CDADC1: variants seen among roughly 807,000 people sequenced by gnomAD.
CDADC1 encodes the protein dCTP deaminase.
In CDADC1, 39 loss-of-function variants were observed where a neutral mutation model predicts 54.9. That is an observed-to-expected ratio of 0.71 (90% confidence interval 0.55 to 0.93). The LOEUF (loss-of-function observed/expected upper bound fraction) is 0.93. Ranked by LOEUF, CDADC1 falls within the 40% of genes least tolerant of loss-of-function variation. The probability of loss-of-function intolerance (pLI) is 0.00; values close to 1 mark genes in which losing one functional copy is unlikely to be tolerated. For synonymous variants in CDADC1, 186 were observed against 204.0 expected (o/e 0.91, Z 0.75); for missense variants, 518 against 618.8 (o/e 0.84, Z 1.73).
chr13:49,267,885 A>G lies in CDADC1; in HGVS notation c.826A>G (p.Met276Val). ...ATACTTTAGCAATCTAAGGCAAAAC[A>G]TGAAAGACCTTATCCTACTTTTGGC... The part of the protein sequence containing the change: ...NPYFSNLRQN[M>V]KDLILLLATV... The change falls in exon 5 of 10, where the codon ATG becomes GTG. Residue 276 changes from methionine to valine, a missense_variant. Met to Val is a conservative substitution (Grantham distance 21, BLOSUM62 1). Transcript: ENST00000251108. 1 of 1,614,166 alleles carries G rather than the reference A, an allele frequency of 6.2e-7. No individual in the cohort carries two copies. Among genetic ancestry groups the G allele is most frequent in the South Asian group, 1.1e-5 (1 of 91,086 alleles).
At chr13:49,280,476 G>T in intron 7 of CDADC1, 33 bp from the exon 8 acceptor site, 1 of 1,186,378 alleles carries the variant, frequency 8.4e-7, no homozygotes, top group South Asian at 2.4e-5. Context: ...TTTCAGAAAC[G>T]ACCTTTCTGA....
chr13:49,291,859 T>C lies in CDADC1; in HGVS notation c.*102T>C, dbSNP rs568242673. 35 of 1,476,042 alleles carry C rather than the reference T, an allele frequency of 2.4e-5. 1 individual carries two copies. The African/African-American group carries it at 4.8e-4, about 20-fold the overall frequency. The allele number at this position is 1,476,042 out of a possible 1,614,324, so 91.4% of individuals were successfully genotyped here. A position where few individuals can be genotyped will look rare whatever the true frequency, so the allele number is the denominator to read the frequency against. Reference sequence around the variant, plus strand: ...AAATAAGGATGGATTTTGTGAATAATTGAAAAGATTTTTTAAGGAAGCTAA... The same window carrying C: ...AAATAAGGATGGATTTTGTGAATAACTGAAAAGATTTTTTAAGGAAGCTAA... On this transcript the variant is annotated 3_prime_UTR_variant, in exon 10 of 10. Transcript: ENST00000251108.
chr13:49,281,044 G>A (rs1953317134), intron 8 of CDADC1, among the ~76,000 whole-genome samples: 1 of 151,820 alleles, frequency 6.6e-6, no homozygotes, highest in South Asian at 2.1e-4. Context: ...ATGTTGTCCG[G>A]GCTGGTCTCA....
Position 49,280,599 on chromosome 13 carries a change from C to A in CDADC1, c.1311C>A (p.Gly437=), listed in dbSNP as rs748786034. 5.0e-6 allele frequency: 8 copies of A among 1,594,778 alleles called. 1 individual carries two copies. In the South Asian group the frequency reaches 9.0e-5, roughly 18 times the overall value. Reference sequence around the variant, plus strand: ...GTGTACCTTTAATTAAAGGTGCAGGCATAAAACAAATCTATGCAGGAGATG... The same window carrying A: ...GTGTACCTTTAATTAAAGGTGCAGGAATAAAACAAATCTATGCAGGAGATG... ...DECVPLIKGA[G]IKQIYAGDVD... The change falls in exon 8 of 10, where the codon GGC becomes GGA. Residue 437 remains glycine (G), a synonymous_variant. Coordinates refer to ENST00000251108, the MANE Select transcript of CDADC1 (RefSeq NM_030911.4).
In CDADC1 at chr13:49,292,225, C is replaced by T; in HGVS notation, c.*468C>T. 1.0e-6 allele frequency: 1 copy of T among 983,450 alleles called. No homozygotes were observed. Among genetic ancestry groups the T allele is most frequent in the Non-Finnish European group, 1.2e-6 (1 of 826,094 alleles). The allele number at this position is 983,450 out of a possible 1,614,324, so 60.9% of individuals were successfully genotyped here. ...CAGTGTATAGCAAACCAAAAGATCA[C>T]ATTTATACCCAAAGCTTTCTAGTAA... On this transcript the variant is annotated 3_prime_UTR_variant, in exon 10 of 10. Transcript: ENST00000251108.
intron 5 of CDADC1, among the ~76,000 whole-genome samples, chr13:49,268,594 G>A (rs1400413785): frequency 6.6e-6 from 1 of 152,188 alleles, no homozygotes; most frequent in Non-Finnish European, 1.5e-5. Flanking sequence ...GAGCCCAGTA[G>A]TTTGGGGCTG....
intron 8 of CDADC1, among the ~76,000 whole-genome samples, chr13:49,285,204 A>G (rs1433590691): frequency 7.6e-6 from 1 of 131,412 alleles, no homozygotes; most frequent in African/African-American, 2.9e-5. Context: ...TGTGAGACAG[A>G]GTCTTGCTCT....
intron 4 of CDADC1, among the ~76,000 whole-genome samples, chr13:49,259,893 G>A (rs933010637): frequency 6.6e-6 from 1 of 151,868 alleles, no homozygotes; most frequent in African/African-American, 2.4e-5. Flanking sequence ...AGAGCAGTCA[G>A]TGGGAACACA....
intron 8 of CDADC1, among the ~76,000 whole-genome samples, chr13:49,283,121 A>G (rs935195289): frequency 1.3e-5 from 2 of 152,216 alleles, no homozygotes; most frequent in Admixed American, 1.3e-4. Context: ...CATTCCTGCC[A>G]TATACATCAG....
intron 5 of CDADC1, among the ~76,000 whole-genome samples, chr13:49,269,511 C>T (rs1952910733): frequency 6.6e-6 from 1 of 152,112 alleles, no homozygotes; most frequent in South Asian, 2.1e-4. Context: ...CATTATATGA[C>T]CCCAAACAAT....
At chr13:49,289,070 G>A (rs1444544824) in intron 9 of CDADC1, among the ~76,000 whole-genome samples, 1 of 142,572 alleles carries the variant, frequency 7.0e-6, no homozygotes, top group Non-Finnish European at 1.5e-5. Context: ...AAACTTATTA[G>A]TAGTCAGAGA....
Position 49,278,514 on chromosome 13 carries a change from A to C in CDADC1, c.1215A>C (p.Thr405=). The change falls in exon 7 of 10, where the codon ACA becomes ACC. Residue 405 remains threonine, a synonymous_variant. Coordinates refer to ENST00000251108, the MANE Select transcript of CDADC1 (RefSeq NM_030911.4). ...TACATGCGGAACAGAATGCCTTGAC[A>C]TTTAGGTATGAAATCCTTCTTGGTG... ...YIIHAEQNAL[T]FRCQEIKPEE... 6.6e-7 allele frequency: 1 copy of C among 1,515,916 alleles called. No individual in the cohort carries two copies. The highest frequency in any genetic ancestry group is 9.0e-7 in the Non-Finnish European group (1 of 1,113,734). 93.9% of individuals were successfully genotyped at this position (1,515,916 alleles called of 1,614,324 possible).
chr13:49,265,522 T>G (rs1167840693), intron 4 of CDADC1, among the ~76,000 whole-genome samples: 1 of 152,184 alleles, frequency 6.6e-6, no homozygotes, highest in African/African-American at 2.4e-5. Flanking sequence ...TTGTTTTTCC[T>G]TTTACTATTA....
In CDADC1 at chr13:49,248,930, C is replaced by A; in HGVS notation, c.142C>A (p.Leu48Ile). Residue 48 changes from leucine (L) to isoleucine (I), a missense_variant, in exon 2 of 10, where the codon CTC (leucine) becomes ATC (isoleucine). Leu to Ile is a conservative substitution (Grantham distance 5, BLOSUM62 2). Transcript: ENST00000251108. ...LFTLLSLWMELFPAEAQRQKS... is the reference protein window; with the variant it reads ...LFTLLSLWMEIFPAEAQRQKS... ...CACTCTGCTCAGCCTCTGGATGGAG[C>A]TCTTTCCAGCAGAAGCCCAGCGGCA... 2.5e-6 allele frequency: 4 copies of A among 1,612,884 alleles called. No individual in the cohort carries two copies. The highest frequency in any genetic ancestry group is 3.4e-6 in the Non-Finnish European group (4 of 1,178,876).
At chr13:49,266,039 C>A in intron 4 of CDADC1, 2 of 894,422 alleles carry the variant, frequency 2.2e-6, no homozygotes, top group Non-Finnish European at 3.1e-6. Flanking sequence ...CAGCATAAGC[C>A]ACAGTGAGTC....
intron 3 of CDADC1, 148 bp downstream of exon 3, chr13:49,256,061 A>G (rs1952539309): frequency 1.9e-6 from 2 of 1,059,538 alleles, no homozygotes; most frequent in South Asian, 2.5e-5. Flanking sequence ...ACAAGACTAT[A>G]TGTCACTCCT....
At chr13:49,288,383 T>TACAGG (rs1446219359) in intron 9 of CDADC1, among the ~76,000 whole-genome samples, 1 of 152,246 alleles carries the variant, frequency 6.6e-6, no homozygotes, top group African/African-American at 2.4e-5. Context: ...CACGAAGTTG[T>TACAGG]ACAGGCATCA....
At chr13:49,266,371 C>T (rs1461165779) in intron 4 of CDADC1, among the ~76,000 whole-genome samples, 2 of 151,930 alleles carry the variant, frequency 1.3e-5, no homozygotes, top group Non-Finnish European at 2.9e-5. Context: ...ATTGTCTGTT[C>T]GTATCTTTTT....
At chr13:49,258,152 G>A (rs747859144) in intron 3 of CDADC1, among the ~76,000 whole-genome samples, 6 of 152,228 alleles carry the variant, frequency 3.9e-5, no homozygotes, top group South Asian at 4.1e-4. Flanking sequence ...ATTATTCTCC[G>A]TAATCTCAAA....
Sources: allele counts gnomAD v4.1 joint callset (sites outside exome capture counted in the v4.1 genomes callset), GRCh38; gene constraint gnomAD v4.1.1; transcripts MANE v1.5; gene names NCBI Gene and HGNC (gene_info 2026-07-23, HGNC 2026-07-21).